Variants in PCSK2 observed in about 807,000 individuals in gnomAD.
PCSK2 encodes the protein neuroendocrine convertase 2.
Under a neutral mutation model 69.7 loss-of-function variants are expected in PCSK2, and 14 were observed. That is an observed-to-expected ratio of 0.20 (90% CI 0.13 to 0.31). The LOEUF (loss-of-function observed/expected upper bound fraction) is 0.31. Ranked by LOEUF, PCSK2 falls within the 10% of genes least tolerant of loss-of-function variation. PCSK2 has a pLI of 1.00. For missense variants in PCSK2, 544 were observed against 842.5 expected (o/e 0.65, Z 4.39); for synonymous variants, 307 against 320.7 (o/e 0.96, Z 0.46).
intron 2 of PCSK2, among the ~76,000 whole-genome samples, chr20:17,336,543 C>A (rs113955942): frequency 1.4e-4 from 21 of 152,268 alleles, no homozygotes; most frequent in African/African-American, 5.1e-4. Flanking sequence ...GCTGAGCAAA[C>A]ATCAGGCAAA....
At chr20:17,274,876 A>G (rs913382556) in intron 2 of PCSK2, among the ~76,000 whole-genome samples, 1 of 152,056 alleles carries the variant, frequency 6.6e-6, no homozygotes, top group Non-Finnish European at 1.5e-5. Context: ...GTCATGGCAT[A>G]AAGCACATTA....
intron 2 of PCSK2, among the ~76,000 whole-genome samples, chr20:17,278,740 TA>T (rs1988191083): frequency 6.6e-6 from 1 of 151,862 alleles, no homozygotes; most frequent in Non-Finnish European, 1.5e-5. Context: ...AATAAATAGA[TA>T]AATAATAATG....
At chr20:17,430,729 A>G (rs982534072) in intron 7 of PCSK2, among the ~76,000 whole-genome samples, 1 of 152,240 alleles carries the variant, frequency 6.6e-6, no homozygotes, top group Non-Finnish European at 1.5e-5. Flanking sequence ...TTAATATTTT[A>G]TAAGCCAGGC....
At chr20:17,303,486 ATTATATTTAAT>A (rs1568593553) in intron 2 of PCSK2, among the ~76,000 whole-genome samples, 1 of 54,844 alleles carries the variant, frequency 1.8e-5, no homozygotes, top group Admixed American at 2.5e-4. Flanking sequence ...TATAATATAT[ATTATATTTAAT>A]ATAATATATA....
intron 5 of PCSK2, among the ~76,000 whole-genome samples, chr20:17,377,439 T>C (rs1347725997): frequency 2.6e-5 from 4 of 152,298 alleles, no homozygotes; most frequent in African/African-American, 9.6e-5. Context: ...GTGTGCACAT[T>C]GGGCCCCAGG....
At chr20:17,443,945 G>A (rs1446265128) in intron 8 of PCSK2, among the ~76,000 whole-genome samples, 2 of 152,156 alleles carry the variant, frequency 1.3e-5, no homozygotes, top group African/African-American at 4.8e-5. Flanking sequence ...CAAGAAATGG[G>A]AATAAATTTC....
chr20:17,340,150 TG>T (rs1990469125), intron 2 of PCSK2, among the ~76,000 whole-genome samples: 1 of 152,192 alleles, frequency 6.6e-6, no homozygotes. Flanking sequence ...AAGGAGATAT[TG>T]AAGCTTTTAG....
At chr20:17,227,647 G>C (rs1296719188) in intron 1 of PCSK2, among the ~76,000 whole-genome samples, 165 bp downstream of exon 1, 1 of 152,170 alleles carries the variant, frequency 6.6e-6, no homozygotes, top group Non-Finnish European at 1.5e-5. Flanking sequence ...ATCTTTCACC[G>C]GTTATGTAAT....
At chr20:17,356,872 A>G (rs1240349082) in intron 2 of PCSK2, among the ~76,000 whole-genome samples, 1 of 152,050 alleles carries the variant, frequency 6.6e-6, no homozygotes, top group Non-Finnish European at 1.5e-5. Context: ...TGGGAAAGAG[A>G]CACCCACAGA....
At chr20:17,448,508 C>T (rs6044827) in intron 8 of PCSK2, among the ~76,000 whole-genome samples, 89,962 of 152,044 alleles carry the variant, frequency 0.59, 26,805 homozygotes, top group South Asian at 0.7. Context: ...AGGCCATGCC[C>T]AGCAAGTTCC....
At chr20:17,277,370 T>G (rs1245486899) in intron 2 of PCSK2, among the ~76,000 whole-genome samples, 16 of 151,866 alleles carry the variant, frequency 1.1e-4, no homozygotes, top group Admixed American at 9.2e-4. Flanking sequence ...CCAAAACAGA[T>G]ATATAGACCA....
intron 2 of PCSK2, among the ~76,000 whole-genome samples, chr20:17,328,265 G>A (rs1211345997): frequency 6.6e-6 from 1 of 151,660 alleles, no homozygotes; most frequent in Non-Finnish European, 1.5e-5. Context: ...GGAATTTTAT[G>A]TGTAGGTTTT....
At chr20:17,420,865 C>T (rs904762013) in intron 6 of PCSK2, among the ~76,000 whole-genome samples, 2 of 152,166 alleles carry the variant, frequency 1.3e-5, no homozygotes, top group Non-Finnish European at 2.9e-5. Flanking sequence ...GGATTCAAGA[C>T]AGGTATAGAG....
intron 2 of PCSK2, among the ~76,000 whole-genome samples, chr20:17,338,585 C>T (rs1990425536): frequency 6.6e-6 from 1 of 152,076 alleles, no homozygotes; most frequent in Non-Finnish European, 1.5e-5. Context: ...AGAGTAGCAA[C>T]CCTAAAGAAA....
chr20:17,232,409 T>C (rs998197115), intron 1 of PCSK2, among the ~76,000 whole-genome samples: 2 of 152,262 alleles, frequency 1.3e-5, no homozygotes, highest in Non-Finnish European at 2.9e-5. Flanking sequence ...TGACTTTAAT[T>C]TGAATTTCCC....
intron 9 of PCSK2, 146 bp downstream of exon 9, chr20:17,454,103 A>G (rs2032876469): frequency 8.6e-7 from 1 of 1,168,558 alleles, no homozygotes; most frequent in Non-Finnish European, 1.2e-6. Flanking sequence ...CCTTTTCTCT[A>G]TGCCCAGTCC....
At chr20:17,471,079 C>T (rs1292361801) in intron 11 of PCSK2, among the ~76,000 whole-genome samples, 1 of 152,140 alleles carries the variant, frequency 6.6e-6, no homozygotes, top group East Asian at 1.9e-4. Flanking sequence ...TAATGATCGT[C>T]AAGCACCATA....
intron 2 of PCSK2, among the ~76,000 whole-genome samples, chr20:17,327,341 T>A (rs1355066319): frequency 1.3e-5 from 2 of 152,162 alleles, no homozygotes; most frequent in African/African-American, 4.8e-5. Context: ...GGGTCGGGGC[T>A]ATGTCAACTT....
At chr20:17,408,406 A>C (rs996960817) in intron 5 of PCSK2, among the ~76,000 whole-genome samples, 3 of 152,106 alleles carry the variant, frequency 2.0e-5, no homozygotes, top group South Asian at 2.1e-4. Context: ...GAAAAAAAAA[A>C]CCCACAAAAT....
Sources: gnomAD v4.1 joint callset for allele counts (sites outside exome capture counted in the v4.1 genomes callset) on GRCh38, gnomAD v4.1.1 for gene constraint, MANE v1.5 for transcripts, NCBI Gene and HGNC (gene_info 2026-07-23, HGNC 2026-07-21) for gene names.